The following PCDHGA5 variants were observed in gnomAD, a reference collection of about 807,000 sequenced individuals.
PCDHGA5 encodes the protein protocadherin gamma-A5.
A neutral mutation model predicts 56.7 loss-of-function variants in PCDHGA5; 36 were observed. That is an observed-to-expected ratio of 0.64 (90% CI 0.49 to 0.84). PCDHGA5 has a LOEUF of 0.84. Among genes scored for constraint, PCDHGA5 ranks in the 40% least tolerant of loss-of-function variants. The probability of loss-of-function intolerance (pLI) is 0.00; values close to 1 mark genes in which losing one functional copy is unlikely to be tolerated. For missense variants in PCDHGA5, 1,305 were observed against 1,201.5 expected (o/e 1.09, Z -1.27); for synonymous variants, 563 against 520.2 (o/e 1.08, Z -1.12).
chr5:141,491,980 C>A lies in PCDHGA5; in HGVS notation c.2422-2827C>A. On this transcript the variant is annotated intron_variant, in intron 1 of 3. Coordinates refer to ENST00000518069, the MANE Select transcript of PCDHGA5 (RefSeq NM_018918.3). This position sits in a 1 kb window ranked among gnomAD's most constrained non-coding sequence, Gnocchi z 6.9. ...AAAAAAGGCCGGGGCCTCCTTCGAGCTTCCGGTGAATTTCGGGCGATTTCC... is the reference window on the plus strand; with the variant it reads ...AAAAAAGGCCGGGGCCTCCTTCGAGATTCCGGTGAATTTCGGGCGATTTCC... 1.3e-6 allele frequency: 1 copy of A among 784,426 alleles called. No homozygotes were observed. Among genetic ancestry groups the A allele is most frequent in the Non-Finnish European group, 1.9e-6 (1 of 530,582 alleles). The allele number at this position is 784,426 out of a possible 1,614,324, so 48.6% of individuals were successfully genotyped here.
At chr5:141,407,856 G>A (rs1038275806) in intron 1 of PCDHGA5, among the ~76,000 whole-genome samples, 2 of 152,210 alleles carry the variant, frequency 1.3e-5, no homozygotes, top group African/African-American at 4.8e-5. Context: ...ATGTACACCT[G>A]CATTTTCGAA....
chr5:141,407,949 C>T, intron 1 of PCDHGA5: 1 of 575,256 alleles, frequency 1.7e-6, no homozygotes, highest in Non-Finnish European at 2.8e-6. Context: ...CCGCTGTCGG[C>T]CAGTGCAGAG....
At chr5:141,462,984 T>G (rs1349170605) in intron 1 of PCDHGA5, among the ~76,000 whole-genome samples, 1 of 152,156 alleles carries the variant, frequency 6.6e-6, no homozygotes, top group African/African-American at 2.4e-5. Context: ...ACTTTTGCCT[T>G]GGGCTAATTT....
chr5:141,475,921 A>T, intron 1 of PCDHGA5: 1 of 604,938 alleles, frequency 1.7e-6, no homozygotes, highest in Non-Finnish European at 2.8e-6. Flanking sequence ...AAGACGCTGG[A>T]GATCGGGCCC....
chr5:141,417,878 C>T, intron 1 of PCDHGA5: 1 of 1,558,216 alleles, frequency 6.4e-7, no homozygotes, highest in Non-Finnish European at 8.7e-7. Context: ...GAGCTGCGCG[C>T]AGAGGCGCCG....
chr5:141,497,885 A>T (rs1469477968), intron 2 of PCDHGA5, among the ~76,000 whole-genome samples: 1 of 152,166 alleles, frequency 6.6e-6, no homozygotes, highest in Non-Finnish European at 1.5e-5. Flanking sequence ...AAGCGTTAGG[A>T]TCTAGTCCAG....
At chr5:141,415,122 C>G (rs552568826) in intron 1 of PCDHGA5, 1 of 1,613,668 alleles carries the variant, frequency 6.2e-7, no homozygotes, top group Non-Finnish European at 8.5e-7. Context: ...TCGTAGTGGC[C>G]GTCCAGGACC....
chr5:141,431,916 T>C lies in PCDHGA5; in HGVS notation c.2422-62891T>C, dbSNP rs2097428336. 1 of 1,614,056 alleles carries C rather than the reference T, an allele frequency of 6.2e-7. No homozygotes were observed. Among genetic ancestry groups the C allele is most frequent in the Middle Eastern group, 1.6e-4 (1 of 6,062 alleles). ...GAAAACGGACAGGTGATCTGTTTCA[T>C]CCAAGGAAATCTGCCCTTTAAATTA... On this transcript the variant is annotated intron_variant, in intron 1 of 3. Transcript: ENST00000518069. The surrounding 1 kb of genome is among the most constrained non-coding windows in gnomAD (Gnocchi z 4.8).
chr5:141,414,550 G>C, intron 1 of PCDHGA5: 1 of 1,613,948 alleles, frequency 6.2e-7, no homozygotes, highest in Non-Finnish European at 8.5e-7. Context: ...CTTCTCTCAA[G>C]TCTCCTACTT....
intron 1 of PCDHGA5, chr5:141,374,429 C>A: frequency 6.2e-7 from 1 of 1,613,972 alleles, no homozygotes. Context: ...TAAACTGAAT[C>A]TTTATCCCGT....
At chr5:141,483,385 G>C (rs1166547027) in intron 1 of PCDHGA5, among the ~76,000 whole-genome samples, 1 of 152,160 alleles carries the variant, frequency 6.6e-6, no homozygotes, top group Non-Finnish European at 1.5e-5. Context: ...AGAGAAGATT[G>C]ATAAATGCTT....
intron 1 of PCDHGA5, among the ~76,000 whole-genome samples, chr5:141,463,944 T>C (rs1454454223): frequency 3.3e-5 from 5 of 152,158 alleles, no homozygotes; most frequent in African/African-American, 4.8e-5. Flanking sequence ...TTTATAGAAA[T>C]CTTCATTTTT....
chr5:141,500,839 G>A (rs2099802871), intron 2 of PCDHGA5, among the ~76,000 whole-genome samples: 1 of 151,906 alleles, frequency 6.6e-6, no homozygotes, highest in African/African-American at 2.4e-5. Flanking sequence ...ATGCTAATGG[G>A]CTTTTGCTAC....
At chr5:141,372,216 A>G (rs1768504235) in intron 1 of PCDHGA5, 8 of 1,613,520 alleles carry the variant, frequency 5.0e-6, no homozygotes, top group Non-Finnish European at 5.1e-6. Flanking sequence ...GTCCTACCAC[A>G]TTGTGCAGGC....
At position 141,491,640 on chromosome 5, in the gene PCDHGA5, T is replaced by A; in HGVS notation, c.2422-3167T>A. 6.2e-7 allele frequency: 1 copy of A among 1,613,804 alleles called. No homozygotes were observed. Among genetic ancestry groups the A allele is most frequent in the South Asian group, 1.1e-5 (1 of 91,086 alleles). On this transcript the variant is annotated intron_variant, in intron 1 of 3. Coordinates refer to ENST00000518069, the MANE Select transcript of PCDHGA5 (RefSeq NM_018918.3). This position sits in a 1 kb window ranked among gnomAD's most constrained non-coding sequence, Gnocchi z 6.9. ...CCCTCAGCGTTCAGCAGCCCACAGC[T>A]CTGGCGCTGGAGCCTGACGCCATCC...
intron 1 of PCDHGA5, chr5:141,404,291 G>A (rs755978034): frequency 6.2e-7 from 1 of 1,613,956 alleles, no homozygotes; most frequent in Non-Finnish European, 8.5e-7. Context: ...TGACATCAAT[G>A]ATAATCCACC....
chr5:141,399,691 C>T (rs2093867392), intron 1 of PCDHGA5: 1 of 1,613,362 alleles, frequency 6.2e-7, no homozygotes, highest in Admixed American at 1.7e-5. Flanking sequence ...CGAGCAGCTG[C>T]GCACCTTCGA....
chr5:141,390,522 G>A, intron 1 of PCDHGA5: 1 of 557,096 alleles, frequency 1.8e-6, no homozygotes, highest in Non-Finnish European at 3.1e-6. Flanking sequence ...AAGCAATGAG[G>A]GTGTGGTTTT....
In PCDHGA5 at chr5:141,511,269, C is replaced by A; in HGVS notation, c.*96C>A. The A allele has an allele frequency of 1.3e-6, 2 of 1,546,672 alleles. No homozygotes were observed. Among genetic ancestry groups the A allele is most frequent in the Non-Finnish European group, 1.7e-6 (2 of 1,145,264 alleles). The stretch of plus-strand genomic sequence containing the variant: ...AGGCCTCAGAGTTTCAGGGCTAACC[C>A]CCAGAATACTGGTAGGGGCCAAGGC... On this transcript the variant is annotated 3_prime_UTR_variant, in exon 4 of 4. Transcript: ENST00000518069.
Sources: gnomAD v4.1 joint callset for allele counts (sites outside exome capture counted in the v4.1 genomes callset) on GRCh38, gnomAD v4.1.1 for gene constraint, Gnocchi (gnomAD v3.1) non-coding constraint, MANE v1.5 for transcripts, NCBI Gene and HGNC (gene_info 2026-07-23, HGNC 2026-07-21) for gene names.